Variants in SAMD12 observed in about 807,000 individuals in gnomAD.
SAMD12 encodes the protein sterile alpha motif domain-containing protein 12.
SAMD12 carries 9 observed loss-of-function variants against 15.0 expected under a neutral mutation model. That is an observed-to-expected ratio of 0.60 (90% confidence interval 0.36 to 1.05). The LOEUF is 1.05. Among genes scored for constraint, SAMD12 ranks in the 50% least tolerant of loss-of-function variants. The pLI is 0.01. For missense variants in SAMD12, 230 were observed against 234.2 expected, an observed-to-expected ratio of 0.98 and a Z score of 0.12; for synonymous variants, 86 against 90.1, an observed-to-expected ratio of 0.96 and a Z score of 0.25.
At chr8:118,345,385 T>C (rs1451393650) in intron 4 of SAMD12, among the ~76,000 whole-genome samples, 1 of 152,160 alleles carries the variant, frequency 6.6e-6, no homozygotes, top group East Asian at 1.9e-4. Context: ...CACTAAGCAA[T>C]GCATGACTGT....
chr8:118,185,455 A>C (rs761276372), downstream of SAMD12, among the ~76,000 whole-genome samples: 3 of 152,134 alleles, frequency 2.0e-5, no homozygotes, highest in Non-Finnish European at 2.9e-5. Flanking sequence ...CTCATAGCTT[A>C]GCTCCCACTT....
chr8:118,559,670 G>C (rs2131207136), intron 2 of SAMD12, among the ~76,000 whole-genome samples: 2 of 152,310 alleles, frequency 1.3e-5, no homozygotes, highest in East Asian at 3.9e-4. Flanking sequence ...TGCTACAAGT[G>C]TTTGCTGTAA....
chr8:118,412,498 T>G (rs956981192), intron 3 of SAMD12, among the ~76,000 whole-genome samples: 21 of 152,184 alleles, frequency 1.4e-4, no homozygotes, highest in African/African-American at 5.1e-4. Flanking sequence ...TTTATATTCC[T>G]TCTATAGAAA....
intron 4 of SAMD12, among the ~76,000 whole-genome samples, chr8:118,201,434 G>A (rs1277288908): frequency 2.0e-5 from 3 of 152,024 alleles, no homozygotes; most frequent in Non-Finnish European, 4.4e-5. Flanking sequence ...TCCTGTGTGC[G>A]AGTGTGGCAT....
the SAMD12 span, among the ~76,000 whole-genome samples, chr8:118,161,042 T>C: frequency 6.6e-6 from 1 of 151,760 alleles, no homozygotes; most frequent in African/African-American, 2.4e-5. Context: ...GAACATGCGG[T>C]GTTTGGTTTT....
At chr8:118,577,166 G>A (rs1827173503) in intron 2 of SAMD12, among the ~76,000 whole-genome samples, 2 of 152,014 alleles carry the variant, frequency 1.3e-5, no homozygotes, top group African/African-American at 4.8e-5. Context: ...AGACTTACAG[G>A]TGATCTGGGT....
intron 2 of SAMD12, among the ~76,000 whole-genome samples, chr8:118,519,949 C>T (rs946224950): frequency 5.3e-5 from 8 of 152,058 alleles, no homozygotes; most frequent in African/African-American, 1.4e-4. Flanking sequence ...GTAATAATTA[C>T]GTTGGTGCTT....
chr8:118,379,110 T>G lies in SAMD12; in HGVS notation c.*307A>C. The stretch of plus-strand genomic sequence containing the variant: ...ACAAAAATACAACAAAAACTCCACT[T>G]ATATCACTGGTCATCGTAACTATTG... On this transcript the variant is annotated 3_prime_UTR_variant, in exon 4 of 4. Transcript: ENST00000314727. The G allele has an allele frequency of 9.1e-7, 1 of 1,099,620 alleles. No individual in the cohort carries two copies. The highest frequency in any genetic ancestry group is 1.1e-6 in the Non-Finnish European group (1 of 900,402). 68.1% of individuals were successfully genotyped at this position (1,099,620 alleles called of 1,614,324 possible). A position where few individuals can be genotyped will look rare whatever the true frequency, so the allele number is the denominator to read the frequency against.
chr8:118,575,527 T>C (rs1233682371), intron 2 of SAMD12, among the ~76,000 whole-genome samples: 1 of 152,046 alleles, frequency 6.6e-6, no homozygotes. Flanking sequence ...ACATAGAGAG[T>C]TACATCTTCC....
intron 2 of SAMD12, among the ~76,000 whole-genome samples, chr8:118,500,065 GC>G (rs1824737456): frequency 1.6e-5 from 1 of 63,112 alleles, no homozygotes; most frequent in East Asian, 5.6e-4. Context: ...CCTGAGTTTT[GC>G]CTTTTTTTTT....
At chr8:118,596,094 T>C (rs1218681202) in intron 1 of SAMD12, among the ~76,000 whole-genome samples, 1 of 152,208 alleles carries the variant, frequency 6.6e-6, no homozygotes, top group East Asian at 1.9e-4. Context: ...GGATTGTTGT[T>C]GAACAACCGC....
chr8:118,307,640 T>C (rs371977413), intron 4 of SAMD12, among the ~76,000 whole-genome samples: 2 of 152,344 alleles, frequency 1.3e-5, no homozygotes, highest in East Asian at 3.9e-4. Context: ...TGTTTTACAG[T>C]GAGCAACCTG....
chr8:118,198,274 A>C (rs542761585), intron 4 of SAMD12, among the ~76,000 whole-genome samples: 9 of 152,342 alleles, frequency 5.9e-5, no homozygotes, highest in Admixed American at 2.6e-4. Context: ...AGATAGAGAA[A>C]GTCATTAAAA....
chr8:118,344,322 A>G (rs2130562552), intron 4 of SAMD12, among the ~76,000 whole-genome samples: 1 of 152,316 alleles, frequency 6.6e-6, no homozygotes, highest in South Asian at 2.1e-4. Flanking sequence ...AAAATACCAC[A>G]AAGGCTTGTG....
intron 2 of SAMD12, among the ~76,000 whole-genome samples, chr8:118,571,538 G>A (rs1827010459): frequency 6.6e-6 from 1 of 152,204 alleles, no homozygotes; most frequent in Admixed American, 6.5e-5. Context: ...GGAGTAGGCT[G>A]TATAAAAAGT....
chr8:118,567,040 A>G (rs1290670677), intron 2 of SAMD12, among the ~76,000 whole-genome samples: 1 of 152,186 alleles, frequency 6.6e-6, no homozygotes, highest in Non-Finnish European at 1.5e-5. Flanking sequence ...AAAAATAACA[A>G]TAGTAAAAAT....
At chr8:118,614,882 G>C (rs949749874) in intron 1 of SAMD12, among the ~76,000 whole-genome samples, 5 of 152,222 alleles carry the variant, frequency 3.3e-5, no homozygotes, top group South Asian at 2.1e-4. Context: ...AGCCAGCTCA[G>C]AGCGGGTGGT....
chr8:118,318,325 T>TATATATATATATATAC (rs1816036420), intron 4 of SAMD12, among the ~76,000 whole-genome samples: 7 of 25,264 alleles, frequency 2.8e-4, no homozygotes, highest in Non-Finnish European at 7.7e-4. Flanking sequence ...TATATATATA[T>TATATATATATATATAC]ATATATATAT....
At chr8:118,231,019 G>A (rs1260640531) in intron 4 of SAMD12, among the ~76,000 whole-genome samples, 1 of 152,138 alleles carries the variant, frequency 6.6e-6, no homozygotes, top group African/African-American at 2.4e-5. Flanking sequence ...GTGAAAGCAA[G>A]GAGCACAATT....
Sources: allele counts gnomAD v4.1 joint callset (sites outside exome capture counted in the v4.1 genomes callset), GRCh38; gene constraint gnomAD v4.1.1; transcripts MANE v1.5; gene names NCBI Gene and HGNC (gene_info 2026-07-23, HGNC 2026-07-21).